MEGF10: variants seen among roughly 807,000 people sequenced by gnomAD.
MEGF10 encodes the protein multiple EGF like domains 10.
A neutral mutation model predicts 147.5 loss-of-function variants in MEGF10; 86 were observed. That is an observed-to-expected ratio of 0.58 (90% CI 0.49 to 0.70). The LOEUF is 0.70. MEGF10 is among the 30% of genes least tolerant of loss of function. The pLI is 0.00. For missense variants in MEGF10, 1,329 were observed against 1,487.3 expected (o/e 0.89, Z 1.75); for synonymous variants, 478 against 525.5 (o/e 0.91, Z 1.24).
chr5:127,361,816 A>C (rs1225669171), intron 4 of MEGF10, among the ~76,000 whole-genome samples: 1 of 152,124 alleles, frequency 6.6e-6, no homozygotes, highest in Non-Finnish European at 1.5e-5. Flanking sequence ...TTCAGTTCCA[A>C]ATATTTAGAA....
At chr5:127,268,132 T>C in the MEGF10 span, among the ~76,000 whole-genome samples, 5 of 152,102 alleles carry the variant, frequency 3.3e-5, no homozygotes, top group Non-Finnish European at 7.3e-5. Context: ...TTTGTTCTCA[T>C]TGGTTTCAAA....
the MEGF10 span, among the ~76,000 whole-genome samples, chr5:127,261,723 T>C: frequency 6.6e-6 from 1 of 152,176 alleles, no homozygotes; most frequent in Non-Finnish European, 1.5e-5. Flanking sequence ...ACCAGCAATA[T>C]ATGAAGGTTC....
chr5:127,371,191 CTGTGTGTGTGTGTGTGTGTGTGTG>C (rs10591122), intron 5 of MEGF10, among the ~76,000 whole-genome samples: 9 of 126,256 alleles, frequency 7.1e-5, no homozygotes, highest in Non-Finnish European at 1.0e-4. Flanking sequence ...GGGACTGGGA[CTGTGTGTGTGTGTGTGTGTGTGTG>C]TGTGTGTGTG....
At chr5:127,344,180 C>T (rs1480507556) in intron 4 of MEGF10, among the ~76,000 whole-genome samples, 2 of 152,106 alleles carry the variant, frequency 1.3e-5, no homozygotes, top group African/African-American at 4.8e-5. Context: ...GTGAGCTAGA[C>T]CCTAAAGATT....
chr5:127,457,072 T>A (rs1384587095), intron 24 of MEGF10, 56 bp from the exon 25 acceptor site: 2 of 1,489,288 alleles, frequency 1.3e-6, no homozygotes, highest in Non-Finnish European at 1.8e-6. Context: ...AAATGCCATA[T>A]TCTTTTTAAA....
chr5:127,264,277 C>T, the MEGF10 span, among the ~76,000 whole-genome samples: 1 of 152,038 alleles, frequency 6.6e-6, no homozygotes, highest in African/African-American at 2.4e-5. Flanking sequence ...TCATTTAATC[C>T]TCATAACAGG....
intron 5 of MEGF10, among the ~76,000 whole-genome samples, chr5:127,373,098 G>A (rs535886477): frequency 6.6e-6 from 1 of 152,286 alleles, no homozygotes; most frequent in African/African-American, 2.4e-5. Context: ...TTATAAAACA[G>A]TATTACATAA....
At chr5:127,270,651 A>G in the MEGF10 span, among the ~76,000 whole-genome samples, 3 of 152,106 alleles carry the variant, frequency 2.0e-5, no homozygotes, top group African/African-American at 2.4e-5. Context: ...TTAACACCCC[A>G]CTGTCAACAT....
At chr5:127,302,703 C>A (rs920169710) in intron 1 of MEGF10, among the ~76,000 whole-genome samples, 3 of 152,150 alleles carry the variant, frequency 2.0e-5, no homozygotes, top group Admixed American at 2.0e-4. Context: ...CACGTGTGTG[C>A]TATGAGGCAA....
intron 8 of MEGF10, 69 bp from the exon 9 acceptor site, chr5:127,410,320 C>A (rs561839752): frequency 6.8e-7 from 1 of 1,466,904 alleles, no homozygotes; most frequent in African/African-American, 1.4e-5. Flanking sequence ...AAAGCCATTC[C>A]AAATTAACTG....
At chr5:127,432,609 A>G (rs1365308821) in intron 13 of MEGF10, among the ~76,000 whole-genome samples, 2 of 152,208 alleles carry the variant, frequency 1.3e-5, no homozygotes, top group Non-Finnish European at 2.9e-5. Context: ...ACTTTTATTT[A>G]TCTCAAATAA....
intron 18 of MEGF10, 26 bp from the exon 19 acceptor site, chr5:127,442,972 A>T (rs762546183): frequency 4.4e-6 from 7 of 1,600,536 alleles, no homozygotes; most frequent in Non-Finnish European, 6.0e-6. Flanking sequence ...AAGGTTGGAA[A>T]GCTACATTTG....
the MEGF10 span, among the ~76,000 whole-genome samples, chr5:127,250,100 G>A: frequency 8.5e-5 from 13 of 152,048 alleles, no homozygotes; most frequent in African/African-American, 3.1e-4. Flanking sequence ...CCATTTAAAC[G>A]ATAGCAAATA....
chr5:127,249,583 T>G, the MEGF10 span, among the ~76,000 whole-genome samples: 11 of 152,074 alleles, frequency 7.2e-5, no homozygotes, highest in East Asian at 2.1e-3. Context: ...TACTAAATAT[T>G]ACAATTATGA....
chr5:127,355,106 T>C (rs972526912), intron 4 of MEGF10, among the ~76,000 whole-genome samples: 2 of 152,038 alleles, frequency 1.3e-5, no homozygotes, highest in African/African-American at 4.8e-5. Context: ...GAAGATGCCT[T>C]GTTTTGGGGT....
chr5:127,370,341 C>T (rs1762805300), intron 5 of MEGF10, among the ~76,000 whole-genome samples: 1 of 152,130 alleles, frequency 6.6e-6, no homozygotes, highest in South Asian at 2.1e-4. Flanking sequence ...GCTATTGTAT[C>T]CTAACTTCTG....
chr5:127,446,636 A>C (rs148262021), intron 20 of MEGF10, among the ~76,000 whole-genome samples: 142 of 152,356 alleles, frequency 9.3e-4, no homozygotes, highest in African/African-American at 3.0e-3. Context: ...CAGCCAGTGT[A>C]AAATGAAAGT....
At chr5:127,446,266 C>T (rs1226791593) in intron 20 of MEGF10, among the ~76,000 whole-genome samples, 1 of 152,148 alleles carries the variant, frequency 6.6e-6, no homozygotes, top group South Asian at 2.1e-4. Flanking sequence ...TATAATCAAT[C>T]ATCAGTAGAA....
chr5:127,340,456 T>C, intron 3 of MEGF10, 74 bp from the exon 4 acceptor site: 1 of 1,125,558 alleles, frequency 8.9e-7, no homozygotes, highest in Admixed American at 1.8e-5. Context: ...TCCATATTTC[T>C]TCATAACTAG....
Sources: gnomAD v4.1 joint callset for allele counts (sites outside exome capture counted in the v4.1 genomes callset) on GRCh38, gnomAD v4.1.1 for gene constraint, MANE v1.5 for transcripts, NCBI Gene and HGNC (gene_info 2026-07-23, HGNC 2026-07-21) for gene names.